The following GDAP2 variants were observed in gnomAD, a reference collection of about 807,000 sequenced individuals.
GDAP2 encodes the protein ganglioside induced differentiation associated protein 2, also known as ganglioside-induced differentiation-associated protein 2.
In GDAP2, 51 loss-of-function variants were observed where a neutral mutation model predicts 67.0. The observed-to-expected ratio is 0.76, with a 90% CI of 0.61 to 0.96. The LOEUF is 0.96. GDAP2 is among the 40% of genes least tolerant of loss of function. GDAP2 has a pLI of 0.00. For missense variants in GDAP2, 547 were observed against 588.3 expected, an observed-to-expected ratio of 0.93 and a Z score of 0.73; for synonymous variants, 203 against 207.3, an observed-to-expected ratio of 0.98 and a Z score of 0.18.
At position 117,925,140 on chromosome 1, in the gene GDAP2, T is replaced by G. The variant is rs569537834; in HGVS notation, c.-68+4308A>C. 3.3e-4 allele frequency among the ~76,000 whole-genome samples: 51 copies of G among 152,320 alleles called. No individual in the cohort carries two copies. The South Asian group carries it at 0.011, about 32-fold the overall frequency. On this transcript the variant is annotated intron_variant, in intron 1 of 13. Coordinates refer to ENST00000369443, the MANE Select transcript of GDAP2 (RefSeq NM_017686.4). ...TTTCTTTCTGACTCTAAGTAATACA[T>G]GCTTACAGAACATTTGAAAAATACC... is the stretch of plus-strand genomic sequence containing the variant.
intron 8 of GDAP2, among the ~76,000 whole-genome samples, chr1:117,895,099 ACAC>A (rs1649223042): frequency 1.3e-5 from 2 of 152,214 alleles, no homozygotes; most frequent in African/African-American, 4.8e-5. Flanking sequence ...AAAGTACAGA[ACAC>A]CACATTTTAA....
At chr1:117,918,763 G>A (rs773915077) in intron 2 of GDAP2, 27 bp from the exon 3 acceptor site, 25 of 1,557,136 alleles carry the variant, frequency 1.6e-5, no homozygotes, top group Non-Finnish European at 2.0e-5. Flanking sequence ...GAATGAACAA[G>A]TGTGGGGAAA....
rs375026748 is a variant in GDAP2, at chr1:117,864,451, G to C, written c.*6118C>G. The C allele has an allele frequency of 2.0e-5, 3 of 152,196 alleles. No homozygotes were observed. 9.4% of individuals were successfully genotyped at this position (152,196 alleles called of 1,614,324 possible). On this transcript the variant is annotated 3_prime_UTR_variant, in exon 14 of 14. Coordinates refer to ENST00000369443, the MANE Select transcript of GDAP2 (RefSeq NM_017686.4). ...TGAATTGGGTCATCACATAGTACAT[G>C]GCAGTACATGCCTGTTGAACTGAAA... is the stretch of plus-strand genomic sequence containing the variant.
At position 117,887,746 on chromosome 1, in the gene GDAP2, A is replaced by G; in HGVS notation, c.982T>C (p.Ser328Pro). ...NYNRWLCQARSEDLSDIASLK... is the reference protein window; with the variant it reads ...NYNRWLCQARPEDLSDIASLK... The stretch of plus-strand genomic sequence containing the variant: ...GAAGCAATATCAGACAGATCCTCAG[A>G]TCTTGCTTGACATAACCAGCGATTA... Residue 328 changes from serine to proline, a missense_variant, in exon 9 of 14, where the codon TCT (serine) becomes CCT (proline). By Grantham distance (74) the Ser-to-Pro change is moderately conservative. Coordinates refer to ENST00000369443, the MANE Select transcript of GDAP2 (RefSeq NM_017686.4). 1.9e-6 allele frequency: 3 copies of G among 1,577,984 alleles called. No homozygotes were observed. Among genetic ancestry groups the G allele is most frequent in the Non-Finnish European group, 2.6e-6 (3 of 1,147,748 alleles).
intron 8 of GDAP2, among the ~76,000 whole-genome samples, chr1:117,896,243 A>T (rs1649257231): frequency 1.3e-5 from 2 of 152,120 alleles, no homozygotes; most frequent in Admixed American, 1.3e-4. Context: ...GTTTACTTTA[A>T]TTTTCTTTAG....
At chr1:117,889,450 T>C (rs1259172023) in intron 8 of GDAP2, among the ~76,000 whole-genome samples, 1 of 152,086 alleles carries the variant, frequency 6.6e-6, no homozygotes, top group Non-Finnish European at 1.5e-5. Context: ...TTTGTATTCT[T>C]TGACCAACAT....
intron 5 of GDAP2, among the ~76,000 whole-genome samples, chr1:117,908,387 G>GT (rs1178381646): frequency 6.6e-6 from 1 of 152,054 alleles, no homozygotes; most frequent in Non-Finnish European, 1.5e-5. Flanking sequence ...GTTCAACACT[G>GT]TATCTCAAGA....
intron 6 of GDAP2, among the ~76,000 whole-genome samples, chr1:117,900,319 C>A: frequency 6.6e-6 from 1 of 152,080 alleles, no homozygotes; most frequent in South Asian, 2.1e-4. Flanking sequence ...AAAGGGGGTA[C>A]AAGGGGGTAC....
At chr1:117,895,429 A>C (rs1363808868) in intron 8 of GDAP2, among the ~76,000 whole-genome samples, 1 of 152,174 alleles carries the variant, frequency 6.6e-6, no homozygotes, top group Non-Finnish European at 1.5e-5. Context: ...TCAATAAAAA[A>C]GTTATTTTAA....
At chr1:117,912,184 T>C (rs562229661) in intron 4 of GDAP2, 102 bp from the exon 5 acceptor site, 141 of 728,412 alleles carry the variant, frequency 1.9e-4, no homozygotes, top group Admixed American at 5.9e-4. Flanking sequence ...TCTCCTTTCC[T>C]CCCTCTTCAA....
At chr1:117,900,181 A>G (rs1649402123) in intron 6 of GDAP2, among the ~76,000 whole-genome samples, 1 of 152,252 alleles carries the variant, frequency 6.6e-6, no homozygotes, top group Non-Finnish European at 1.5e-5. Flanking sequence ...AGGTGTTGCT[A>G]TGCTGCCCAG....
chr1:117,918,559 T>C (rs755075090), intron 3 of GDAP2, 38 bp downstream of exon 3: 1 of 1,482,462 alleles, frequency 6.7e-7, no homozygotes, highest in Admixed American at 1.7e-5. Flanking sequence ...AAAATGAATG[T>C]TTTCTAAGCA....
Position 117,865,477 on chromosome 1 carries a change from T to C in GDAP2, c.*5092A>G, listed in dbSNP as rs1266379777. 6.6e-6 allele frequency: 1 copy of C among 152,196 alleles called. No individual in the cohort carries two copies. The highest frequency in any genetic ancestry group is 2.4e-5 in the African/African-American group (1 of 41,450). The allele number at this position is 152,196 out of a possible 1,614,324, so 9.4% of individuals were successfully genotyped here. On this transcript the variant is annotated 3_prime_UTR_variant, in exon 14 of 14. Transcript: ENST00000369443. ...GCATTTTTAGGTTTCCTTCGCCCAA[T>C]ACCAATTAAAATCATTTATATATGT...
chr1:117,869,176 T>C lies in GDAP2; in HGVS notation c.*1393A>G, dbSNP rs74113071. The C allele has an allele frequency of 0.091, 13,792 of 152,018 alleles. 1,456 individuals are homozygous for C. Among genetic ancestry groups the C allele is most frequent in the African/African-American group, 0.26 (10,590 of 41,324 alleles). The allele number at this position is 152,018 out of a possible 1,614,324, so 9.4% of individuals were successfully genotyped here. A position where few individuals can be genotyped will look rare whatever the true frequency, so the allele number is the denominator to read the frequency against. On this transcript the variant is annotated 3_prime_UTR_variant, in exon 14 of 14. Transcript: ENST00000369443. ...CGTGATGGGGTGAGGAAGATGGGGC[T>C]GTGGGGAGGTGGCTGTAGGAATCAA...
At chr1:117,894,200 T>G (rs1270231515) in intron 8 of GDAP2, among the ~76,000 whole-genome samples, 1 of 151,750 alleles carries the variant, frequency 6.6e-6, no homozygotes. Context: ...AGTGCAGTGG[T>G]GTGATCACAG....
In GDAP2 at chr1:117,920,430, A is replaced by C; in HGVS notation, c.-67-6T>G. 1.1e-6 allele frequency: 1 copy of C among 928,720 alleles called. No individual in the cohort carries two copies. Among genetic ancestry groups the C allele is most frequent in the Non-Finnish European group, 1.7e-6 (1 of 604,538 alleles). 57.5% of individuals were successfully genotyped at this position (928,720 alleles called of 1,614,324 possible). Reference sequence around the variant, plus strand: ...ATATTCACTGGAGACTTTAGCTTTAAGAGAAAAGAAAGAATCACTTTAATA... The same window carrying C: ...ATATTCACTGGAGACTTTAGCTTTACGAGAAAAGAAAGAATCACTTTAATA... On this transcript the variant is annotated splice_polypyrimidine_tract_variant and splice_region_variant and intron_variant, in intron 1 of 13. Transcript: ENST00000369443.
chr1:117,918,633 C>A lies in GDAP2; in HGVS notation c.280G>T (p.Gly94Trp). 1 of 1,610,440 alleles carries A rather than the reference C, an allele frequency of 6.2e-7. No individual in the cohort carries two copies. The highest frequency in any genetic ancestry group is 1.1e-5 in the South Asian group (1 of 90,970). The change falls in exon 3 of 14, where the codon GGG (glycine) becomes TGG (tryptophan). Residue 94 changes from glycine to tryptophan, a missense_variant. By Grantham distance (184) the Gly-to-Trp change is radical. Coordinates refer to ENST00000369443, the MANE Select transcript of GDAP2 (RefSeq NM_017686.4). ...PVSESIFMLA[G>W]PDLKEDLQKL... The stretch of plus-strand genomic sequence containing the variant: ...TGGAGATCTTCCTTCAAATCAGGCC[C>A]TGCAAGCATGAAGATACTTTCTGAC...
intron 1 of GDAP2, among the ~76,000 whole-genome samples, chr1:117,923,767 T>TA (rs1650343886): frequency 6.6e-6 from 1 of 152,264 alleles, no homozygotes; most frequent in African/African-American, 2.4e-5. Flanking sequence ...TCCCCCAAAG[T>TA]AACTACTATC....
chr1:117,914,659 A>C (rs1649983291), intron 3 of GDAP2, among the ~76,000 whole-genome samples: 1 of 152,190 alleles, frequency 6.6e-6, no homozygotes. Flanking sequence ...AACAAAGATG[A>C]GATCAGAAGC....
Sources: allele counts gnomAD v4.1 joint callset (sites outside exome capture counted in the v4.1 genomes callset), GRCh38; gene constraint gnomAD v4.1.1; transcripts MANE v1.5; gene names NCBI Gene and HGNC (gene_info 2026-07-23, HGNC 2026-07-21).